PLEKHD1: variants seen among roughly 807,000 people sequenced by gnomAD.
PLEKHD1 encodes the protein pleckstrin homology and coiled-coil domain containing D1.
A neutral mutation model predicts 69.2 loss-of-function variants in PLEKHD1; 51 were observed. The ratio of observed to expected loss-of-function variants is 0.74; its 90% CI spans 0.59 to 0.93. The LOEUF is 0.93. PLEKHD1 is among the 40% of genes least tolerant of loss of function. The pLI is 0.00. For missense variants in PLEKHD1, 584 were observed against 641.0 expected (o/e 0.91, Z 0.96); for synonymous variants, 236 against 244.7 (o/e 0.96, Z 0.33).
chr14:69,481,352 G>A (rs184923280), upstream of PLEKHD1, among the ~76,000 whole-genome samples: 73 of 152,242 alleles, frequency 4.8e-4, no homozygotes, highest in Non-Finnish European at 8.8e-4. Context: ...ATGTTCATTA[G>A]GAGTCTATCC....
intron 6 of PLEKHD1, among the ~76,000 whole-genome samples, chr14:69,506,174 A>G (rs534084808): frequency 3.3e-5 from 5 of 152,210 alleles, no homozygotes; most frequent in Non-Finnish European, 7.3e-5. Flanking sequence ...CTACCTCCAG[A>G]GGTGTCCTTT....
intron 8 of PLEKHD1, 120 bp from the exon 9 acceptor site, chr14:69,525,824 A>G: frequency 1.1e-6 from 1 of 923,218 alleles, no homozygotes; most frequent in Non-Finnish European, 1.6e-6. Context: ...AAGACATTTC[A>G]GCGGCCATAG....
At chr14:69,512,221 A>G (rs1883286300) in intron 6 of PLEKHD1, among the ~76,000 whole-genome samples, 1 of 149,048 alleles carries the variant, frequency 6.7e-6, no homozygotes, top group African/African-American at 2.4e-5. Context: ...TTTTAATGTC[A>G]GTGGTGTCTG....
chr14:69,513,471 C>T (rs1004179530), intron 6 of PLEKHD1, among the ~76,000 whole-genome samples: 2 of 152,068 alleles, frequency 1.3e-5, no homozygotes, highest in Admixed American at 6.5e-5. Context: ...CTTATTTGAA[C>T]GCAGTTTGGA....
At position 69,527,950 on chromosome 14, in the gene PLEKHD1, C is replaced by T. The variant is rs780807173; in HGVS notation, c.1351+18C>T. The T allele has an allele frequency of 1.6e-5, 25 of 1,550,980 alleles. No homozygotes were observed. The highest frequency in any genetic ancestry group is 2.4e-5 in the South Asian group (2 of 84,070). On this transcript the variant is annotated intron_variant, in intron 12 of 12. Transcript: ENST00000322564. ...GAATGACAGTGAGTGTGGCTGTCTG[C>T]GTGCCCTGGTGGGATGGTGACAAGG...
At chr14:69,492,072 T>C (rs993157791) in intron 1 of PLEKHD1, among the ~76,000 whole-genome samples, 2 of 152,154 alleles carry the variant, frequency 1.3e-5, no homozygotes, top group African/African-American at 4.8e-5. Flanking sequence ...TCCAGCGTCT[T>C]CACAAGGACT....
chr14:69,498,588 TTTCTCTTCTC>T (rs71102658), intron 1 of PLEKHD1, among the ~76,000 whole-genome samples: 5,101 of 108,610 alleles, frequency 0.047, 126 homozygotes, highest in South Asian at 0.059. Context: ...TTCTTTTTGT[TTTCTCTTCTC>T]TTCTCTTCTC....
chr14:69,481,357 C>A (rs1353244668), upstream of PLEKHD1, among the ~76,000 whole-genome samples: 1 of 152,150 alleles, frequency 6.6e-6, no homozygotes, highest in African/African-American at 2.4e-5. Context: ...CATTAGGAGT[C>A]TATCCCTGAG....
upstream of PLEKHD1, among the ~76,000 whole-genome samples, chr14:69,482,051 G>A (rs947226373): frequency 2.6e-5 from 4 of 152,216 alleles, no homozygotes; most frequent in Non-Finnish European, 4.4e-5. Flanking sequence ...AACCACTCAA[G>A]TATCTAGTGG....
At chr14:69,490,101 C>G (rs1402300354) in intron 1 of PLEKHD1, among the ~76,000 whole-genome samples, 1 of 152,208 alleles carries the variant, frequency 6.6e-6, no homozygotes, top group Non-Finnish European at 1.5e-5. Context: ...CTCCTGACCT[C>G]AGGTGATCTG....
At chr14:69,479,383 C>T in the PLEKHD1 span, among the ~76,000 whole-genome samples, 9 of 152,318 alleles carry the variant, frequency 5.9e-5, no homozygotes, top group East Asian at 1.7e-3. Flanking sequence ...GGGCTTTACA[C>T]AAGAGACTTA....
At chr14:69,475,235 T>G in the PLEKHD1 span, among the ~76,000 whole-genome samples, 1 of 152,190 alleles carries the variant, frequency 6.6e-6, no homozygotes, top group African/African-American at 2.4e-5. Context: ...GCTATGGGCT[T>G]ATTGGCCAGA....
chr14:69,472,414 G>A, the PLEKHD1 span, among the ~76,000 whole-genome samples: 1 of 152,092 alleles, frequency 6.6e-6, no homozygotes, highest in East Asian at 1.9e-4. Context: ...GGCTTACCGG[G>A]ACCGCGTGAG....
At chr14:69,522,398 T>G in intron 7 of PLEKHD1, 21 bp downstream of exon 7, 1 of 1,550,624 alleles carries the variant, frequency 6.4e-7, no homozygotes, top group Non-Finnish European at 8.7e-7. Flanking sequence ...TGCCTGGGAA[T>G]TGGGGGTGCC....
chr14:69,482,031 G>A (rs554818063), upstream of PLEKHD1, among the ~76,000 whole-genome samples: 7 of 152,158 alleles, frequency 4.6e-5, no homozygotes, highest in Non-Finnish European at 1.0e-4. Flanking sequence ...GGTTAGTCAA[G>A]GGGAACAGAA....
the PLEKHD1 span, among the ~76,000 whole-genome samples, chr14:69,471,827 A>G: frequency 3.9e-5 from 6 of 152,326 alleles, no homozygotes; most frequent in East Asian, 9.7e-4. Flanking sequence ...GCTCCTTGAC[A>G]TCTCACTTTT....
intron 5 of PLEKHD1, 169 bp from the exon 6 acceptor site, chr14:69,502,658 C>T: frequency 1.4e-6 from 1 of 698,970 alleles, no homozygotes; most frequent in Non-Finnish European, 2.4e-6. Flanking sequence ...AGGAGGGTGG[C>T]AGCTTCCATC....
chr14:69,476,396 CAA>C, the PLEKHD1 span, among the ~76,000 whole-genome samples: 11 of 136,348 alleles, frequency 8.1e-5, no homozygotes, highest in Admixed American at 1.5e-4. Context: ...GGCCCTATTT[CAA>C]AAAAAAAAAA....
upstream of PLEKHD1, among the ~76,000 whole-genome samples, chr14:69,484,369 C>G (rs1882604141): frequency 1.3e-5 from 2 of 152,222 alleles, no homozygotes; most frequent in African/African-American, 2.4e-5. Context: ...CCGAGGCGAG[C>G]AGGTGTCTGC....
Sources: allele counts gnomAD v4.1 joint callset (sites outside exome capture counted in the v4.1 genomes callset), GRCh38; gene constraint gnomAD v4.1.1; transcripts MANE v1.5; gene names NCBI Gene and HGNC (gene_info 2026-07-23, HGNC 2026-07-21).